The following GUCY1A2 variants were observed in gnomAD, a reference collection of about 807,000 sequenced individuals.
The protein encoded by GUCY1A2 is guanylate cyclase soluble subunit alpha-2.
Under a neutral mutation model 63.5 loss-of-function variants are expected in GUCY1A2, and 27 were observed. That is an observed-to-expected ratio of 0.43 (90% CI 0.31 to 0.59). The LOEUF is 0.59. GUCY1A2 is among the 20% of genes least tolerant of loss of function. The pLI is 0.11. For missense variants in GUCY1A2, 768 were observed against 913.3 expected (o/e 0.84, Z 2.05); for synonymous variants, 364 against 343.5 (o/e 1.06, Z -0.66).
At chr11:106,747,019 G>A (rs1051204324) in intron 6 of GUCY1A2, among the ~76,000 whole-genome samples, 2 of 152,082 alleles carry the variant, frequency 1.3e-5, no homozygotes, top group African/African-American at 2.4e-5. Flanking sequence ...ATGGAGTCTC[G>A]CTCTGTCGCC....
intron 4 of GUCY1A2, among the ~76,000 whole-genome samples, chr11:106,915,283 C>A (rs557499644): frequency 1.6e-4 from 24 of 151,930 alleles, no homozygotes; most frequent in African/African-American, 5.8e-4. Context: ...CTGAATATAG[C>A]CTGTGGATCA....
intron 6 of GUCY1A2, 141 bp from the exon 7 acceptor site, chr11:106,708,807 T>C (rs1438489359): frequency 4.1e-6 from 2 of 486,212 alleles, no homozygotes; most frequent in Non-Finnish European, 6.9e-6. Context: ...TGAGTCCTGG[T>C]CATTTTTGTG....
intron 6 of GUCY1A2, among the ~76,000 whole-genome samples, chr11:106,719,598 T>C (rs1219717193): frequency 5.3e-5 from 8 of 152,212 alleles, no homozygotes; most frequent in Non-Finnish European, 8.8e-5. Context: ...ATAAATAGCA[T>C]AGCTAAGTTT....
At chr11:106,815,542 G>A (rs546664696) in intron 4 of GUCY1A2, among the ~76,000 whole-genome samples, 5 of 151,456 alleles carry the variant, frequency 3.3e-5, no homozygotes, top group East Asian at 2.0e-4. Flanking sequence ...GCTAAAGAAA[G>A]GTCTTTAAAC....
chr11:106,681,083 A>C lies in GUCY1A2; in HGVS notation c.*6466T>G, dbSNP rs2135327270. On this transcript the variant is annotated 3_prime_UTR_variant, in exon 8 of 8. Coordinates refer to ENST00000526355, the MANE Select transcript of GUCY1A2 (RefSeq NM_000855.3). ...AAAATTGTATTTTAAGTAGACTAAA[A>C]ACATGATTTTTTCATTTCGAAATCT... 3 of 209,068 alleles carry C rather than the reference A, an allele frequency of 1.4e-5. No homozygotes were observed. The Middle Eastern group carries it at 4.5e-3, about 317-fold the overall frequency. The allele number at this position is 209,068 out of a possible 1,614,324, so 13.0% of individuals were successfully genotyped here. A position where few individuals can be genotyped will look rare whatever the true frequency, so the allele number is the denominator to read the frequency against.
chr11:106,960,351 T>C (rs1861043270), intron 3 of GUCY1A2, among the ~76,000 whole-genome samples: 1 of 152,176 alleles, frequency 6.6e-6, no homozygotes, highest in Non-Finnish European at 1.5e-5. Context: ...TAAGATATAT[T>C]ACCAGGAACA....
intron 6 of GUCY1A2, among the ~76,000 whole-genome samples, chr11:106,710,369 A>G (rs1298700793): frequency 1.3e-4 from 15 of 116,722 alleles, no homozygotes; most frequent in Non-Finnish European, 2.5e-4. Context: ...CATGTATATA[A>G]TATAGTTATA....
intron 4 of GUCY1A2, among the ~76,000 whole-genome samples, chr11:106,830,133 T>C (rs1404662555): frequency 6.6e-6 from 1 of 152,244 alleles, no homozygotes; most frequent in Non-Finnish European, 1.5e-5. Flanking sequence ...TTCATTTCAT[T>C]CATTTCTCCT....
At chr11:106,904,775 A>G (rs892834390) in intron 4 of GUCY1A2, among the ~76,000 whole-genome samples, 6 of 152,096 alleles carry the variant, frequency 3.9e-5, no homozygotes, top group African/African-American at 1.4e-4. Context: ...CTCAAAAAAA[A>G]ACAGAGAGGA....
At chr11:106,865,909 A>T (rs945371580) in intron 4 of GUCY1A2, among the ~76,000 whole-genome samples, 6 of 151,512 alleles carry the variant, frequency 4.0e-5, no homozygotes, top group Non-Finnish European at 7.4e-5. Context: ...TAATTATATA[A>T]AAATGCATAT....
intron 5 of GUCY1A2, among the ~76,000 whole-genome samples, chr11:106,802,830 CTTGA>C (rs1178516045): frequency 6.6e-6 from 1 of 152,168 alleles, no homozygotes; most frequent in Non-Finnish European, 1.5e-5. Flanking sequence ...CTCATCTAAA[CTTGA>C]TTAACTCCAA....
chr11:106,719,362 T>A (rs1396391774), intron 6 of GUCY1A2, among the ~76,000 whole-genome samples: 1 of 152,030 alleles, frequency 6.6e-6, no homozygotes, highest in Non-Finnish European at 1.5e-5. Flanking sequence ...TTTAAATATG[T>A]AGAAATAAAA....
chr11:106,870,994 G>A (rs982251802), intron 4 of GUCY1A2, among the ~76,000 whole-genome samples: 7 of 152,062 alleles, frequency 4.6e-5, no homozygotes, highest in African/African-American at 1.7e-4. Flanking sequence ...GGCTTATTAT[G>A]ATAAGCTTCT....
intron 4 of GUCY1A2, among the ~76,000 whole-genome samples, chr11:106,832,885 C>G (rs934377123): frequency 6.6e-6 from 1 of 152,096 alleles, no homozygotes; most frequent in African/African-American, 2.4e-5. Context: ...GAGCCCTTAG[C>G]TCAGCACCTA....
intron 6 of GUCY1A2, among the ~76,000 whole-genome samples, chr11:106,759,858 C>T (rs1165242532): frequency 2.0e-5 from 3 of 152,224 alleles, no homozygotes; most frequent in African/African-American, 7.2e-5. Flanking sequence ...TTGCTTGAAC[C>T]TGGGAGGCGA....
At chr11:106,808,881 A>C (rs1007889129) in intron 5 of GUCY1A2, among the ~76,000 whole-genome samples, 1 of 152,180 alleles carries the variant, frequency 6.6e-6, no homozygotes, top group Non-Finnish European at 1.5e-5. Flanking sequence ...ATATACCAAT[A>C]AATTATAAGG....
chr11:106,869,285 G>A (rs2135462987), intron 4 of GUCY1A2, among the ~76,000 whole-genome samples: 1 of 152,284 alleles, frequency 6.6e-6, no homozygotes, highest in East Asian at 1.9e-4. Context: ...AAGAGCTTCT[G>A]CACAGCAAAA....
intron 4 of GUCY1A2, among the ~76,000 whole-genome samples, chr11:106,860,226 T>C (rs1233558833): frequency 6.6e-6 from 1 of 151,538 alleles, no homozygotes; most frequent in Admixed American, 6.6e-5. Flanking sequence ...TTTTCCAGAG[T>C]ACCCAGACAT....
intron 4 of GUCY1A2, among the ~76,000 whole-genome samples, chr11:106,830,878 A>T (rs1859041495): frequency 6.6e-6 from 1 of 152,210 alleles, no homozygotes. Context: ...AACAACTACT[A>T]TCAATTATTA....
Sources: gnomAD v4.1 joint callset for allele counts (sites outside exome capture counted in the v4.1 genomes callset) on GRCh38, gnomAD v4.1.1 for gene constraint, MANE v1.5 for transcripts, NCBI Gene and HGNC (gene_info 2026-07-23, HGNC 2026-07-21) for gene names.